The following MARK2 variants were observed in gnomAD, a reference collection of about 807,000 sequenced individuals.
MARK2 encodes serine/threonine-protein kinase MARK2.
A neutral mutation model predicts 89.8 loss-of-function variants in MARK2; 16 were observed. That is an observed-to-expected ratio of 0.18 (90% CI 0.12 to 0.27). MARK2 has a LOEUF of 0.27. MARK2 is among the 10% of genes least tolerant of loss of function. MARK2 has a pLI of 1.00. For missense variants in MARK2, 621 were observed against 1,049.9 expected, an observed-to-expected ratio of 0.59 and a Z score of 5.65; for synonymous variants, 382 against 399.5, an observed-to-expected ratio of 0.96 and a Z score of 0.52.
chr11:63,886,515 C>T (rs564583016), intron 1 of MARK2, among the ~76,000 whole-genome samples: 1 of 152,116 alleles, frequency 6.6e-6, no homozygotes, highest in Non-Finnish European at 1.5e-5. Flanking sequence ...ACCTCCACCT[C>T]CCAGGCTCAA....
intron 1 of MARK2, among the ~76,000 whole-genome samples, chr11:63,863,385 G>T (rs1937924582): frequency 6.6e-6 from 1 of 152,038 alleles, no homozygotes; most frequent in Non-Finnish European, 1.5e-5. Flanking sequence ...TTCGGCAAGG[G>T]TGCCTTTTAT....
At chr11:63,890,142 TG>T in intron 1 of MARK2, 1 of 892,222 alleles carries the variant, frequency 1.1e-6, no homozygotes, top group Non-Finnish European at 1.6e-6. Context: ...TTGCCTCACT[TG>T]GGGCCTTGGC....
rs974532477 is a variant in MARK2, at chr11:63,858,538, G to A, written c.54+18978G>A. On this transcript the variant is annotated intron_variant, in intron 1 of 18. Transcript: ENST00000402010. ...CCGGCTAATTTTTGTACTTTTAGTA[G>A]AGATAGGGTTTTCACCATGTTGTTC... 2.0e-5 allele frequency among the ~76,000 whole-genome samples: 3 copies of A among 151,874 alleles called. No homozygotes were observed. The East Asian group carries it at 5.8e-4, about 29-fold the overall frequency.
chr11:63,892,438 T>C (rs1939942798), intron 1 of MARK2, among the ~76,000 whole-genome samples: 1 of 152,218 alleles, frequency 6.6e-6, no homozygotes, highest in Admixed American at 6.5e-5. Context: ...CTAGGAATGC[T>C]GGACAGTTCC....
chr11:63,845,588 G>T (rs1014701368), intron 1 of MARK2, among the ~76,000 whole-genome samples: 4 of 152,150 alleles, frequency 2.6e-5, no homozygotes, highest in African/African-American at 9.7e-5. Context: ...TTACAAACCT[G>T]TGGGGGAGGA....
chr11:63,851,015 A>C (rs548575757), intron 1 of MARK2, among the ~76,000 whole-genome samples: 12 of 152,230 alleles, frequency 7.9e-5, no homozygotes, highest in African/African-American at 2.9e-4. Flanking sequence ...GTTTTTCTTA[A>C]AGACCACGTG....
rs1295165346 is a variant in MARK2 at position 63,909,050 on chromosome 11, T to C, written c.2180T>C (p.Leu727Pro). 6.2e-7 allele frequency: 1 copy of C among 1,602,380 alleles called. No individual in the cohort carries two copies. Among genetic ancestry groups the C allele is most frequent in the East Asian group, 2.2e-5 (1 of 44,470 alleles). Residue 727 changes from leucine (L) to proline (P), a missense_variant, in exon 19 of 19, where the codon CTG (leucine) becomes CCG (proline). Physicochemically the swap from Leu to Pro is moderately conservative, Grantham distance 98. Transcript: ENST00000402010. ...GACGCGAACAGCTGCCAGAGCGAGC[T>C]GCATGAGAAGTACATGCTGCTGTGC... ...VLDANSCQSE[L>P]HEKYMLLCMH...
Position 63,903,174 on chromosome 11 carries a change from C to G in MARK2, c.1514+16C>G, listed in dbSNP as rs372749092. On this transcript the variant is annotated intron_variant, in intron 14 of 18. Transcript: ENST00000402010. The surrounding 1 kb of genome is among the most constrained non-coding windows in gnomAD (Gnocchi z 5.1). ...GCAAAGACAGGTGAGAGACCCGGGC[C>G]CTGCCTGCCTCACTCCCTAGGAGCC... The G allele has an allele frequency of 6.3e-7, 1 of 1,590,656 alleles. No individual in the cohort carries two copies. Among genetic ancestry groups the G allele is most frequent in the Admixed American group, 1.7e-5 (1 of 59,982 alleles).
At chr11:63,899,575 T>C (rs1940701127) in intron 7 of MARK2, among the ~76,000 whole-genome samples, 1 of 152,118 alleles carries the variant, frequency 6.6e-6, no homozygotes, top group Admixed American at 6.5e-5. Flanking sequence ...GGCTGCTGAG[T>C]CCTCACAGAC....
intron 1 of MARK2, among the ~76,000 whole-genome samples, chr11:63,862,258 GT>G (rs993018531): frequency 1.8e-4 from 28 of 152,110 alleles, no homozygotes; most frequent in Admixed American, 1.6e-3. Context: ...AGATCTCACT[GT>G]TTTACAGGTG....
At position 63,888,908 on chromosome 11, in the gene MARK2, G is replaced by C. The variant is rs1449755192; in HGVS notation, c.55-6251G>C. The C allele has an allele frequency of 6.7e-6, 9 of 1,349,444 alleles. No individual in the cohort carries two copies. The East Asian group carries it at 3.2e-4, about 48-fold the overall frequency. The allele number at this position is 1,349,444 out of a possible 1,614,324, so 83.6% of individuals were successfully genotyped here. On this transcript the variant is annotated intron_variant, in intron 1 of 18. Transcript: ENST00000402010. ...TTGCCCTCGCTGCCTGACAGGTTCTGCTGTGGGCTCTGCTGAATGGAAGTC... is the reference window on the plus strand; with the variant it reads ...TTGCCCTCGCTGCCTGACAGGTTCTCCTGTGGGCTCTGCTGAATGGAAGTC...
At chr11:63,861,346 A>G (rs978646265) in intron 1 of MARK2, among the ~76,000 whole-genome samples, 7 of 152,068 alleles carry the variant, frequency 4.6e-5, no homozygotes, top group Admixed American at 6.5e-5. Flanking sequence ...TGAGGCAGAG[A>G]ATTGCTTGAC....
intron 1 of MARK2, among the ~76,000 whole-genome samples, chr11:63,846,131 TTCC>T (rs1388673721): frequency 6.6e-6 from 1 of 152,138 alleles, no homozygotes; most frequent in Non-Finnish European, 1.5e-5. Flanking sequence ...GGCATCCCAG[TTCC>T]TCCTCTTGCC....
At chr11:63,874,951 C>A (rs576318235) in intron 1 of MARK2, among the ~76,000 whole-genome samples, 1 of 151,960 alleles carries the variant, frequency 6.6e-6, no homozygotes, top group East Asian at 1.9e-4. Flanking sequence ...AGGATAATTT[C>A]ATTCCTTCTC....
intron 1 of MARK2, among the ~76,000 whole-genome samples, chr11:63,847,350 G>T (rs1001855438): frequency 1.3e-5 from 2 of 152,216 alleles, no homozygotes; most frequent in Non-Finnish European, 1.5e-5. Context: ...GATGGACACT[G>T]ATACTGGTGG....
rs1941569419 is a variant in MARK2 at position 63,908,899 on chromosome 11, G to A, written c.2029G>A (p.Gly677Ser). 4.0e-6 allele frequency: 6 copies of A among 1,507,232 alleles called. No homozygotes were observed. Among genetic ancestry groups the A allele is most frequent in the East Asian group, 2.3e-5 (1 of 42,892 alleles). 93.4% of individuals were successfully genotyped at this position (1,507,232 alleles called of 1,614,324 possible). A position where few individuals can be genotyped will look rare whatever the true frequency, so the allele number is the denominator to read the frequency against. ...TLRPHVVGSG[G>S]NDKEKEEFRE... ...CAGACCTCACGTGGTGGGCAGTGGC[G>A]GCAACGACAAAGAAAAGGAAGAATT... The change falls in exon 19 of 19, where the codon GGC becomes AGC. Residue 677 changes from glycine (G) to serine (S), a missense_variant. Gly to Ser is a moderately conservative substitution (Grantham distance 56). Around this residue, in one of 5 missense-constraint regions of MARK2, gnomAD observed 397 missense variants for 567.8 expected, o/e 0.70. Coordinates refer to ENST00000402010, the MANE Select transcript of MARK2 (RefSeq NM_001039469.3).
chr11:63,878,258 C>T (rs1459344036), intron 1 of MARK2, among the ~76,000 whole-genome samples: 1 of 152,066 alleles, frequency 6.6e-6, no homozygotes, highest in Non-Finnish European at 1.5e-5. Flanking sequence ...TTTCCTCCAG[C>T]CTCATTCCTC....
chr11:63,861,524 C>T (rs1240397304), intron 1 of MARK2, among the ~76,000 whole-genome samples: 1 of 152,200 alleles, frequency 6.6e-6, no homozygotes, highest in African/African-American at 2.4e-5. Flanking sequence ...CTGGATGGCC[C>T]TGTAAGCGCA....
At chr11:63,895,530 G>A (rs1272153416) in intron 2 of MARK2, 50 bp from the exon 3 acceptor site, 4 of 1,558,444 alleles carry the variant, frequency 2.6e-6, no homozygotes, top group Non-Finnish European at 3.5e-6. Flanking sequence ...TGGAATCCTG[G>A]GTTTCGCTGG....
Sources: gnomAD v4.1 joint callset for allele counts (sites outside exome capture counted in the v4.1 genomes callset) on GRCh38, gnomAD v4.1.1 for gene constraint, gnomAD v4.1.1 regional missense constraint, Gnocchi (gnomAD v3.1) non-coding constraint, MANE v1.5 for transcripts, NCBI Gene and HGNC (gene_info 2026-07-23, HGNC 2026-07-21) for gene names.